NUDCD1: variants seen among roughly 807,000 people sequenced by gnomAD.
NUDCD1 encodes the protein NudC domain containing 1.
Under a neutral mutation model 67.8 loss-of-function variants are expected in NUDCD1, and 60 were observed. The ratio of observed to expected loss-of-function variants is 0.88; its 90% CI spans 0.72 to 1.10. The LOEUF (loss-of-function observed/expected upper bound fraction) is 1.10, where lower values mean the gene tolerates loss of function less well. Among genes scored for constraint, NUDCD1 ranks in the 50% least tolerant of loss-of-function variants. The pLI is 0.00. For missense variants in NUDCD1, 643 were observed against 695.0 expected (o/e 0.93, Z 0.84); for synonymous variants, 244 against 230.8 (o/e 1.06, Z -0.52).
At chr8:109,254,385 G>GTTT in intron 8 of NUDCD1, among the ~76,000 whole-genome samples, 1 of 152,100 alleles carries the variant, frequency 6.6e-6, no homozygotes, top group South Asian at 2.1e-4. Flanking sequence ...GATTCCAAGG[G>GTTT]GGAAAAGAAG....
chr8:109,334,014 T>C lies in NUDCD1; in HGVS notation c.-4A>G. Reference sequence around the variant, plus strand: ...AGCAATTAGCCGCCACCTCCATCGCTTTCCAGGGCCGCAGCGTGAGAATTA... The same window carrying C: ...AGCAATTAGCCGCCACCTCCATCGCCTTCCAGGGCCGCAGCGTGAGAATTA... On this transcript the variant is annotated 5_prime_UTR_variant, in exon 1 of 10. Transcript: ENST00000239690. The C allele has an allele frequency of 6.2e-7, 1 of 1,614,118 alleles. No homozygotes were observed. Among genetic ancestry groups the C allele is most frequent in the South Asian group, 1.1e-5 (1 of 91,080 alleles).
intron 1 of NUDCD1, among the ~76,000 whole-genome samples, chr8:109,332,417 C>T (rs1392197608): frequency 6.6e-6 from 1 of 152,100 alleles, no homozygotes; most frequent in Admixed American, 6.5e-5. Context: ...TTGGTACCAA[C>T]CTGGGCTAGT....
Position 109,242,881 on chromosome 8 carries a change from T to G in NUDCD1, c.*128A>C. 1 of 540,964 alleles carries G rather than the reference T, an allele frequency of 1.8e-6. No individual in the cohort carries two copies. The highest frequency in any genetic ancestry group is 3.4e-5 in the South Asian group (1 of 29,300). 33.5% of individuals were successfully genotyped at this position (540,964 alleles called of 1,614,324 possible). A position where few individuals can be genotyped will look rare whatever the true frequency, so the allele number is the denominator to read the frequency against. On this transcript the variant is annotated 3_prime_UTR_variant, in exon 10 of 10. Coordinates refer to ENST00000239690, the MANE Select transcript of NUDCD1 (RefSeq NM_032869.4). ...CTCTTGAATATATTTCCAATGTTATTAAAAAATAAAAAATCATACAAGATA... is the reference window on the plus strand; with the variant it reads ...CTCTTGAATATATTTCCAATGTTATGAAAAAATAAAAAATCATACAAGATA...
intron 8 of NUDCD1, among the ~76,000 whole-genome samples, chr8:109,250,572 A>G (rs1455874347): frequency 6.6e-6 from 1 of 152,212 alleles, no homozygotes; most frequent in African/African-American, 2.4e-5. Context: ...TCCCAGTTGT[A>G]GCAGAAGCCT....
intron 5 of NUDCD1, among the ~76,000 whole-genome samples, chr8:109,288,830 C>T (rs562119676): frequency 3.9e-4 from 60 of 152,092 alleles, no homozygotes; most frequent in Non-Finnish European, 7.2e-4. Context: ...TTATAAAAAT[C>T]TCTGTTAAAT....
chr8:109,271,154 T>C, intron 7 of NUDCD1, 24 bp from the exon 8 acceptor site: 1 of 1,463,220 alleles, frequency 6.8e-7, no homozygotes, highest in Non-Finnish European at 9.3e-7. Flanking sequence ...ATAAAATAAG[T>C]AAATAAGTAA....
At chr8:109,265,334 A>C (rs1299199772) in intron 8 of NUDCD1, among the ~76,000 whole-genome samples, 1 of 152,136 alleles carries the variant, frequency 6.6e-6, no homozygotes, top group Non-Finnish European at 1.5e-5. Flanking sequence ...GGAGGGAAAA[A>C]AAAAGAATGT....
At chr8:109,322,600 T>C (rs1437787912) in intron 1 of NUDCD1, 137 bp from the exon 2 acceptor site, 2 of 577,892 alleles carry the variant, frequency 3.5e-6, no homozygotes, top group African/African-American at 1.9e-5. Flanking sequence ...CAGTATATCA[T>C]TCTTTCAAAG....
At chr8:109,244,415 C>T (rs556586791) in intron 9 of NUDCD1, among the ~76,000 whole-genome samples, 6 of 151,784 alleles carry the variant, frequency 4.0e-5, no homozygotes, top group Non-Finnish European at 7.4e-5. Context: ...TTCTTCTGAC[C>T]AAAGTATAGA....
At chr8:109,292,943 A>T (rs1389813194) in intron 4 of NUDCD1, among the ~76,000 whole-genome samples, 1 of 152,032 alleles carries the variant, frequency 6.6e-6, no homozygotes, top group East Asian at 1.9e-4. Flanking sequence ...AAAGACATTC[A>T]TTTCCAAGTA....
At chr8:109,262,898 A>G (rs1168588468) in intron 8 of NUDCD1, among the ~76,000 whole-genome samples, 2 of 151,648 alleles carry the variant, frequency 1.3e-5, no homozygotes, top group African/African-American at 4.8e-5. Flanking sequence ...TACTAAAAAT[A>G]TAAAAAATTA....
chr8:109,311,478 A>T (rs1055185312), intron 2 of NUDCD1, among the ~76,000 whole-genome samples: 2 of 151,296 alleles, frequency 1.3e-5, no homozygotes, highest in Non-Finnish European at 2.9e-5. Context: ...ACACACGTTT[A>T]TAGCAGCACA....
At chr8:109,259,934 A>T (rs1813827186) in intron 8 of NUDCD1, among the ~76,000 whole-genome samples, 1 of 152,202 alleles carries the variant, frequency 6.6e-6, no homozygotes, top group Non-Finnish European at 1.5e-5. Context: ...AGATTTTTTC[A>T]TATACTAAAA....
At chr8:109,277,424 T>G (rs1032004025) in intron 6 of NUDCD1, among the ~76,000 whole-genome samples, 2 of 152,066 alleles carry the variant, frequency 1.3e-5, no homozygotes, top group Non-Finnish European at 2.9e-5. Context: ...AAGACTGCAT[T>G]TGTACGTTTT....
chr8:109,325,268 A>G (rs547683844), intron 1 of NUDCD1, among the ~76,000 whole-genome samples: 2 of 152,222 alleles, frequency 1.3e-5, no homozygotes, highest in South Asian at 2.1e-4. Flanking sequence ...TTAAGTTCTC[A>G]TGTTTGATAG....
chr8:109,331,288 C>T (rs903401602), intron 1 of NUDCD1, among the ~76,000 whole-genome samples: 2 of 151,866 alleles, frequency 1.3e-5, no homozygotes, highest in Non-Finnish European at 2.9e-5. Flanking sequence ...GAGCTGAGAT[C>T]GCGCCACTGC....
At chr8:109,324,180 GA>G (rs992354558) in intron 1 of NUDCD1, among the ~76,000 whole-genome samples, 1 of 149,130 alleles carries the variant, frequency 6.7e-6, no homozygotes, top group African/African-American at 2.5e-5. Context: ...CGTAAGGAAT[GA>G]AAATTTTTTT....
intron 1 of NUDCD1, among the ~76,000 whole-genome samples, chr8:109,325,346 TAGA>T (rs566379076): frequency 1.8e-4 from 28 of 152,262 alleles, no homozygotes; most frequent in African/African-American, 3.4e-4. Flanking sequence ...CCAAAATAGC[TAGA>T]AGATTTCAAA....
chr8:109,303,628 T>G (rs1815039510), intron 2 of NUDCD1, among the ~76,000 whole-genome samples: 1 of 142,384 alleles, frequency 7.0e-6, no homozygotes, highest in Non-Finnish European at 1.6e-5. Flanking sequence ...CAGCCACCCC[T>G]CATTGCCACC....
Sources: allele counts gnomAD v4.1 joint callset (sites outside exome capture counted in the v4.1 genomes callset), GRCh38; gene constraint gnomAD v4.1.1; transcripts MANE v1.5; gene names NCBI Gene and HGNC (gene_info 2026-07-23, HGNC 2026-07-21).